PPM1H: variants seen among roughly 807,000 people sequenced by gnomAD.
The protein encoded by PPM1H is protein phosphatase 1H.
In PPM1H, 27 loss-of-function variants were observed where a neutral mutation model predicts 54.9. That is an observed-to-expected ratio of 0.49 (90% CI 0.36 to 0.68). The LOEUF (loss-of-function observed/expected upper bound fraction) is 0.68, where lower values mean the gene tolerates loss of function less well. Ranked by LOEUF, PPM1H falls within the 30% of genes least tolerant of loss-of-function variation. The pLI is 0.00. For synonymous variants in PPM1H, 305 were observed against 270.8 expected, an observed-to-expected ratio of 1.13 and a Z score of -1.24; for missense variants, 596 against 667.8, an observed-to-expected ratio of 0.89 and a Z score of 1.19.
intron 8 of PPM1H, among the ~76,000 whole-genome samples, chr12:62,684,939 C>T (rs1338201534): frequency 6.6e-6 from 1 of 151,978 alleles, no homozygotes; most frequent in Non-Finnish European, 1.5e-5. Context: ...GTTCCTTGTA[C>T]CTATTTTTTT....
At chr12:62,903,398 T>C (rs1871215481) in intron 1 of PPM1H, among the ~76,000 whole-genome samples, 1 of 152,196 alleles carries the variant, frequency 6.6e-6, no homozygotes, top group Admixed American at 6.5e-5. Flanking sequence ...TACCCTGAAA[T>C]GTTATTTTAA....
chr12:62,870,975 G>A (rs1292619606), intron 1 of PPM1H, among the ~76,000 whole-genome samples: 1 of 152,186 alleles, frequency 6.6e-6, no homozygotes, highest in African/African-American at 2.4e-5. Context: ...AAGGTAAAAT[G>A]GTGCAGCCAC....
intron 5 of PPM1H, among the ~76,000 whole-genome samples, chr12:62,733,353 C>A (rs1245197510): frequency 6.6e-6 from 1 of 152,168 alleles, no homozygotes; most frequent in African/African-American, 2.4e-5. Context: ...CTCCCAGGTT[C>A]AAGCAATTCT....
chr12:62,866,865 A>C (rs906809685), intron 1 of PPM1H, among the ~76,000 whole-genome samples: 6 of 151,936 alleles, frequency 3.9e-5, no homozygotes, highest in African/African-American at 1.5e-4. Flanking sequence ...AATTGAGTCC[A>C]TGACGCTCAT....
At chr12:62,845,849 T>C (rs933578162) in intron 1 of PPM1H, among the ~76,000 whole-genome samples, 5 of 152,208 alleles carry the variant, frequency 3.3e-5, no homozygotes, top group Non-Finnish European at 5.9e-5. Context: ...TCATTTCTCC[T>C]TCCTTCTGCT....
chr12:62,693,919 GA>G lies in PPM1H; in HGVS notation c.1137+16del. On this transcript the variant is annotated intron_variant, in intron 7 of 9. Transcript: ENST00000228705. ...AGAGCCCTGTCCTCTCTACCCAGGG[GA>G]AGCACACGTGCCTACCTTCTTGCCT... 6.2e-7 allele frequency: 1 copy of G among 1,608,226 alleles called. No individual in the cohort carries two copies.
rs1221268447 is a variant in PPM1H, at chr12:62,832,175, T to G, written c.350A>C (p.Asn117Thr). 1 of 1,613,802 alleles carries G rather than the reference T, an allele frequency of 6.2e-7. No homozygotes were observed. The highest frequency in any genetic ancestry group is 1.1e-5 in the South Asian group (1 of 91,046). The change falls in exon 2 of 10, where the codon AAC becomes ACC. Residue 117 changes from asparagine (N) to threonine (T), a missense_variant. Asn to Thr is a moderately conservative substitution (Grantham distance 65). Transcript: ENST00000228705. ...AGAVTSTPNR[N>T]SSKRRSSLPN... is the part of the protein sequence containing the mutation. ...AAGGGAGGACCGTCTCTTGGATGAG[T>G]TCCTGTTTGGGGTTGAGGTCACGGC...
intron 4 of PPM1H, among the ~76,000 whole-genome samples, chr12:62,778,974 G>A (rs1483375142): frequency 6.6e-6 from 1 of 151,290 alleles, no homozygotes; most frequent in Non-Finnish European, 1.5e-5. Context: ...AGGAAGAAAG[G>A]GAAGGAAAGG....
intron 1 of PPM1H, among the ~76,000 whole-genome samples, chr12:62,919,065 A>C (rs1444873972): frequency 6.6e-6 from 1 of 152,220 alleles, no homozygotes; most frequent in Non-Finnish European, 1.5e-5. Flanking sequence ...ACTTTTGCCA[A>C]AGGGTCAAAC....
intron 1 of PPM1H, among the ~76,000 whole-genome samples, chr12:62,893,659 T>C (rs1165737293): frequency 6.6e-6 from 1 of 151,958 alleles, no homozygotes; most frequent in African/African-American, 2.4e-5. Flanking sequence ...GTGTGGTTTT[T>C]CTTTTTCAGG....
At chr12:62,781,736 A>G (rs1044635149) in intron 4 of PPM1H, among the ~76,000 whole-genome samples, 1 of 152,224 alleles carries the variant, frequency 6.6e-6, no homozygotes. Context: ...TGAGAGAGGA[A>G]GGTCAGAGAG....
intron 1 of PPM1H, among the ~76,000 whole-genome samples, chr12:62,838,276 C>T (rs951485350): frequency 6.9e-6 from 1 of 144,734 alleles, no homozygotes; most frequent in Non-Finnish European, 1.5e-5. Context: ...TGAGGGCCAT[C>T]AGGTGAAGTG....
At chr12:62,878,980 T>A (rs1200392707) in intron 1 of PPM1H, among the ~76,000 whole-genome samples, 1 of 152,234 alleles carries the variant, frequency 6.6e-6, no homozygotes, top group Non-Finnish European at 1.5e-5. Flanking sequence ...TGAAGGTATC[T>A]GTGAGATAAA....
intron 8 of PPM1H, among the ~76,000 whole-genome samples, chr12:62,678,916 G>C (rs2076002800): frequency 6.6e-6 from 1 of 151,190 alleles, no homozygotes; most frequent in East Asian, 2.0e-4. Context: ...TGAACTCCTG[G>C]CCTCAAGTGA....
chr12:62,687,064 T>C (rs978051042), intron 8 of PPM1H, among the ~76,000 whole-genome samples: 1 of 152,136 alleles, frequency 6.6e-6, no homozygotes, highest in Non-Finnish European at 1.5e-5. Context: ...AATGTGGAAT[T>C]GGGAGAGTGA....
intron 3 of PPM1H, among the ~76,000 whole-genome samples, chr12:62,795,515 C>T (rs889647744): frequency 1.3e-5 from 2 of 152,090 alleles, no homozygotes; most frequent in African/African-American, 4.8e-5. Context: ...GGTGCGATCT[C>T]TGCTCACTGT....
At chr12:62,801,509 G>A (rs1329724567) in intron 3 of PPM1H, among the ~76,000 whole-genome samples, 2 of 152,116 alleles carry the variant, frequency 1.3e-5, no homozygotes, top group African/African-American at 4.8e-5. Flanking sequence ...TAGAGACGGG[G>A]TTTCACTATG....
At chr12:62,660,495 T>G (rs528455407) in intron 9 of PPM1H, among the ~76,000 whole-genome samples, 1 of 152,078 alleles carries the variant, frequency 6.6e-6, no homozygotes, top group East Asian at 1.9e-4. Context: ...AACAGACACA[T>G]AGACCAATGG....
At chr12:62,884,399 G>A (rs2121054750) in intron 1 of PPM1H, among the ~76,000 whole-genome samples, 1 of 150,862 alleles carries the variant, frequency 6.6e-6, no homozygotes, top group African/African-American at 2.4e-5. Flanking sequence ...TATTTGGGAA[G>A]CTGAGGTAGG....
Sources: gnomAD v4.1 joint callset for allele counts (sites outside exome capture counted in the v4.1 genomes callset) on GRCh38, gnomAD v4.1.1 for gene constraint, MANE v1.5 for transcripts, NCBI Gene and HGNC (gene_info 2026-07-23, HGNC 2026-07-21) for gene names.